Variants in RCL1 observed in about 807,000 individuals in gnomAD.
RCL1 encodes RNA 3'-terminal phosphate cyclase-like protein.
RCL1 carries 24 observed loss-of-function variants against 42.4 expected under a neutral mutation model. The observed-to-expected ratio is 0.57, with a 90% CI of 0.41 to 0.80. RCL1 has a LOEUF of 0.80. RCL1 is among the 30% of genes least tolerant of loss of function. RCL1 has a pLI of 0.00. For missense variants in RCL1, 578 were observed against 467.9 expected (o/e 1.24, Z -2.17); for synonymous variants, 228 against 177.3 (o/e 1.29, Z -2.27).
chr9:4,810,322 C>G (rs977220646), intron 1 of RCL1, among the ~76,000 whole-genome samples: 12 of 152,162 alleles, frequency 7.9e-5, no homozygotes, highest in Non-Finnish European at 1.5e-4. Context: ...TCCTCCCATG[C>G]TTGTGCCCAG....
chr9:4,858,460 T>A (rs1184753997), intron 8 of RCL1, among the ~76,000 whole-genome samples: 1 of 152,254 alleles, frequency 6.6e-6, no homozygotes, highest in Non-Finnish European at 1.5e-5. Flanking sequence ...GAATATTTAC[T>A]CCTGTATTTT....
intron 1 of RCL1, among the ~76,000 whole-genome samples, chr9:4,808,367 G>A (rs1325554748): frequency 6.6e-6 from 1 of 151,966 alleles, no homozygotes; most frequent in East Asian, 1.9e-4. Context: ...GAGTGCAGTG[G>A]TGTGATCTCG....
intron 7 of RCL1, 87 bp downstream of exon 7, chr9:4,844,768 C>G: frequency 2.2e-6 from 3 of 1,382,330 alleles, no homozygotes; most frequent in South Asian, 1.3e-5. Flanking sequence ...TCGTCCTCTT[C>G]CAAGGGCTCA....
chr9:4,852,919 G>A (rs532978806), intron 8 of RCL1, among the ~76,000 whole-genome samples: 1 of 152,162 alleles, frequency 6.6e-6, no homozygotes, highest in Admixed American at 6.5e-5. Context: ...TAAGTGGTCT[G>A]CCCAGCTACC....
intron 8 of RCL1, among the ~76,000 whole-genome samples, chr9:4,851,981 A>G (rs1490329198): frequency 1.3e-5 from 2 of 149,216 alleles, no homozygotes; most frequent in Non-Finnish European, 3.0e-5. Context: ...CCCGGGTTCA[A>G]CGCCATTCTC....
At chr9:4,853,376 C>T (rs1000857725) in intron 8 of RCL1, among the ~76,000 whole-genome samples, 52 of 149,942 alleles carry the variant, frequency 3.5e-4, no homozygotes, top group African/African-American at 1.1e-3. Flanking sequence ...AGGCTGAGTG[C>T]AGTGGCGCGA....
At chr9:4,846,160 A>G (rs1311652026) in intron 7 of RCL1, among the ~76,000 whole-genome samples, 1 of 152,188 alleles carries the variant, frequency 6.6e-6, no homozygotes, top group African/African-American at 2.4e-5. Flanking sequence ...GTGTTCTTGA[A>G]AATGTCTCAT....
rs556834094 is a variant in RCL1 at position 4,851,869 on chromosome 9, C to G, written c.971+2319C>G. ...TTCTGTGCTACTTGAGAAAGTAAGT[C>G]TGTATGTGTGAAACTCTTTTTTTTT... is the stretch of plus-strand genomic sequence containing the variant. On this transcript the variant is annotated intron_variant, in intron 8 of 8. Coordinates refer to ENST00000381750, the MANE Select transcript of RCL1 (RefSeq NM_005772.5). Among the ~76,000 whole-genome samples the G allele has an allele frequency of 2.1e-5, 3 of 143,008 alleles. 1 individual carries two copies. The highest frequency in any genetic ancestry group is 4.4e-4 in the South Asian group (2 of 4,546). 93.8% of individuals were successfully genotyped at this position (143,008 alleles called of 152,430 possible). A position where few individuals can be genotyped will look rare whatever the true frequency, so the allele number is the denominator to read the frequency against.
chr9:4,834,337 A>G, intron 5 of RCL1, 72 bp downstream of exon 5: 1 of 1,508,380 alleles, frequency 6.6e-7, no homozygotes, highest in Non-Finnish European at 9.0e-7. Context: ...AATGACTAAC[A>G]GCTTTACTTC....
At chr9:4,818,434 CAT>C (rs765923315) in intron 1 of RCL1, among the ~76,000 whole-genome samples, 12 of 151,934 alleles carry the variant, frequency 7.9e-5, no homozygotes, top group Non-Finnish European at 1.3e-4. Context: ...AATAAATAAA[CAT>C]ACATATTTGC....
At chr9:4,846,132 C>T (rs973446224) in intron 7 of RCL1, among the ~76,000 whole-genome samples, 1 of 152,210 alleles carries the variant, frequency 6.6e-6, no homozygotes, top group African/African-American at 2.4e-5. Context: ...TTATAGTCTA[C>T]TCCCTTGATC....
intron 8 of RCL1, among the ~76,000 whole-genome samples, chr9:4,851,081 G>A (rs1015370668): frequency 6.6e-6 from 1 of 152,110 alleles, no homozygotes; most frequent in Non-Finnish European, 1.5e-5. Context: ...CCTGTATGAT[G>A]TTTTCAAGCT....
intron 7 of RCL1, among the ~76,000 whole-genome samples, chr9:4,846,150 G>A (rs143638713): frequency 6.6e-6 from 1 of 152,190 alleles, no homozygotes; most frequent in African/African-American, 2.4e-5. Context: ...ATCCAAGTCA[G>A]TGTTCTTGAA....
intron 8 of RCL1, among the ~76,000 whole-genome samples, chr9:4,858,965 G>C (rs546726447): frequency 8.5e-5 from 13 of 152,348 alleles, no homozygotes; most frequent in Non-Finnish European, 1.8e-4. Context: ...GCCTGGTGGA[G>C]GGTAGGGAGG....
Position 4,821,320 on chromosome 9 carries a change from T to C in RCL1, c.137-2228T>C, listed in dbSNP as rs149483705. The stretch of plus-strand genomic sequence containing the variant: ...CAGACTTGGGCTCAGATCCTGGTTT[T>C]GCCACTTTCTGGTCATATGATCAGG... On this transcript the variant is annotated intron_variant, in intron 1 of 8. Coordinates refer to ENST00000381750, the MANE Select transcript of RCL1 (RefSeq NM_005772.5). Among the ~76,000 whole-genome samples, 269 of 152,296 alleles carry C rather than the reference T, an allele frequency of 1.8e-3. 3 individuals carry two copies. Among genetic ancestry groups the C allele is most frequent in the African/African-American group, 6.1e-3 (255 of 41,570 alleles).
In RCL1 at chr9:4,841,220, T is replaced by G; in HGVS notation, c.585-12T>G. On this transcript the variant is annotated splice_polypyrimidine_tract_variant and intron_variant, in intron 5 of 8. Transcript: ENST00000381750. ...ATTCAAGCAGAATGACATCCTTAAC[T>G]CCAGGCTGCAGGTACTCTGTACGTG... 6.2e-7 allele frequency: 1 copy of G among 1,613,972 alleles called. No homozygotes were observed. The highest frequency in any genetic ancestry group is 8.5e-7 in the Non-Finnish European group (1 of 1,179,938).
At chr9:4,839,939 G>C in intron 5 of RCL1, 2 of 984,098 alleles carry the variant, frequency 2.0e-6, no homozygotes, top group Non-Finnish European at 2.4e-6. Context: ...CTGGGAGAAT[G>C]GGGCAAAGCA....
intron 1 of RCL1, among the ~76,000 whole-genome samples, chr9:4,796,110 C>T (rs73641877): frequency 0.022 from 3,379 of 152,138 alleles, 103 homozygotes; most frequent in African/African-American, 0.075. Flanking sequence ...ATTTTAGAGT[C>T]GGGGGTACAT....
chr9:4,808,035 G>A (rs1381859274), intron 1 of RCL1, among the ~76,000 whole-genome samples: 1 of 152,076 alleles, frequency 6.6e-6, no homozygotes, highest in East Asian at 1.9e-4. Context: ...CTCTTGTTGG[G>A]TGGAGTGCTC....
Sources: allele counts gnomAD v4.1 joint callset (sites outside exome capture counted in the v4.1 genomes callset), GRCh38; gene constraint gnomAD v4.1.1; transcripts MANE v1.5; gene names NCBI Gene and HGNC (gene_info 2026-07-23, HGNC 2026-07-21).